CMPK1: variants seen among roughly 807,000 people sequenced by gnomAD.
The protein encoded by CMPK1 is cytidine/uridine monophosphate kinase 1.
CMPK1 carries 10 observed loss-of-function variants against 25.7 expected under a neutral mutation model. The observed-to-expected ratio is 0.39, with a 90% CI of 0.24 to 0.66. The LOEUF (loss-of-function observed/expected upper bound fraction) is 0.66, where lower values mean the gene tolerates loss of function less well. CMPK1 is among the 30% of genes least tolerant of loss of function. The probability of loss-of-function intolerance (pLI) is 0.48; values close to 1 mark genes in which losing one functional copy is unlikely to be tolerated. For missense variants in CMPK1, 199 were observed against 280.5 expected, an observed-to-expected ratio of 0.71 and a Z score of 2.08; for synonymous variants, 106 against 101.5, an observed-to-expected ratio of 1.04 and a Z score of -0.27.
At chr1:47,354,650 A>G (rs1214928972) in intron 1 of CMPK1, among the ~76,000 whole-genome samples, 1 of 130,554 alleles carries the variant, frequency 7.7e-6, no homozygotes, top group Non-Finnish European at 1.5e-5. Flanking sequence ...AGCGTTCCAT[A>G]TCGGAACATA....
chr1:47,341,938 G>A (rs1018041228), intron 1 of CMPK1, among the ~76,000 whole-genome samples: 6 of 151,922 alleles, frequency 3.9e-5, no homozygotes, highest in Admixed American at 2.0e-4. Context: ...ATTTTTTGGG[G>A]ACAGGGTCTT....
chr1:47,366,125 C>G (rs866572077), intron 1 of CMPK1, among the ~76,000 whole-genome samples: 2 of 152,166 alleles, frequency 1.3e-5, no homozygotes, highest in Non-Finnish European at 2.9e-5. Flanking sequence ...ACCTGGGAAG[C>G]AGAGGTTGCA....
Position 47,375,184 on chromosome 1 carries a change from A to T in CMPK1, c.549-13A>T. On this transcript the variant is annotated splice_polypyrimidine_tract_variant and intron_variant, in intron 4 of 5. Transcript: ENST00000371873. The stretch of plus-strand genomic sequence containing the variant: ...AGATACCTAGAACCTTGCAATATTT[A>T]CTTCTTTTGCAGAATTCAGACCTAC... 6.3e-7 allele frequency: 1 copy of T among 1,581,368 alleles called. No individual in the cohort carries two copies.
intron 5 of CMPK1, 32 bp downstream of exon 5, chr1:47,375,325 A>G (rs1646700938): frequency 1.5e-6 from 2 of 1,331,712 alleles, no homozygotes; most frequent in Non-Finnish European, 1.0e-6. Context: ...TTAAAAAAAT[A>G]TGTCAAATAA....
intron 1 of CMPK1, among the ~76,000 whole-genome samples, chr1:47,334,936 T>G (rs2149322522): frequency 6.6e-6 from 1 of 152,368 alleles, no homozygotes; most frequent in African/African-American, 2.4e-5. Flanking sequence ...TTACTTTTTT[T>G]TCTTTTGCTT....
chr1:47,378,805 T>C lies in CMPK1; in HGVS notation c.*2060T>C, dbSNP rs1418617178. 6.6e-6 allele frequency: 1 copy of C among 152,230 alleles called. No individual in the cohort carries two copies. The highest frequency in any genetic ancestry group is 1.5e-5 in the Non-Finnish European group (1 of 68,038). 9.4% of individuals were successfully genotyped at this position (152,230 alleles called of 1,614,324 possible). On this transcript the variant is annotated 3_prime_UTR_variant, in exon 6 of 6. Coordinates refer to ENST00000371873, the MANE Select transcript of CMPK1 (RefSeq NM_016308.3). ...GGATGTATATCAGTTATTTAGTAAATAATCTCAATAAATTTTGTGCTGTGG... is the reference window on the plus strand; with the variant it reads ...GGATGTATATCAGTTATTTAGTAAACAATCTCAATAAATTTTGTGCTGTGG...
chr1:47,340,344 A>C (rs1646432646), intron 1 of CMPK1, among the ~76,000 whole-genome samples: 1 of 150,352 alleles, frequency 6.7e-6, no homozygotes, highest in East Asian at 2.0e-4. Context: ...CCTATGTTGC[A>C]CAGGCTAGTC....
At chr1:47,348,728 C>G (rs1471707068) in intron 1 of CMPK1, among the ~76,000 whole-genome samples, 1 of 152,160 alleles carries the variant, frequency 6.6e-6, no homozygotes, top group Non-Finnish European at 1.5e-5. Context: ...TGTTTCCATA[C>G]CCACTTTGTG....
intron 1 of CMPK1, among the ~76,000 whole-genome samples, chr1:47,339,950 C>T (rs183520920): frequency 8.6e-5 from 13 of 151,950 alleles, no homozygotes; most frequent in Admixed American, 6.6e-4. Context: ...TCAGGTGATC[C>T]GCCTGCCTCA....
intron 1 of CMPK1, among the ~76,000 whole-genome samples, chr1:47,343,212 C>T (rs1169388889): frequency 1.3e-5 from 2 of 150,392 alleles, no homozygotes; most frequent in Non-Finnish European, 2.9e-5. Flanking sequence ...GTCTTGAACT[C>T]CAGACCTCAA....
At chr1:47,348,282 T>C (rs998324685) in intron 1 of CMPK1, among the ~76,000 whole-genome samples, 1 of 152,186 alleles carries the variant, frequency 6.6e-6, no homozygotes, top group African/African-American at 2.4e-5. Context: ...CATGTTGGCC[T>C]AGTCACACTG....
intron 1 of CMPK1, among the ~76,000 whole-genome samples, chr1:47,348,115 A>G (rs948907500): frequency 6.6e-6 from 1 of 152,192 alleles, no homozygotes; most frequent in Non-Finnish European, 1.5e-5. Context: ...GTAGGAGTAC[A>G]GTATTTTAAC....
Position 47,374,992 on chromosome 1 carries a change from G to C in CMPK1, c.548+7G>C. ...GAGAGAGCTTGGAAAAGAGGTACTT[G>C]GCAGTTTTTACATACAACCACTTCA... On this transcript the variant is annotated splice_region_variant and intron_variant, in intron 4 of 5. Transcript: ENST00000371873. 1 of 1,608,092 alleles carries C rather than the reference G, an allele frequency of 6.2e-7. No homozygotes were observed. Among genetic ancestry groups the C allele is most frequent in the African/African-American group, 1.3e-5 (1 of 74,948 alleles).
At chr1:47,365,156 T>G (rs1646630438) in intron 1 of CMPK1, among the ~76,000 whole-genome samples, 2 of 152,156 alleles carry the variant, frequency 1.3e-5, no homozygotes, top group African/African-American at 2.4e-5. Flanking sequence ...AGAAGCTCAG[T>G]AGCAGTTCAG....
chr1:47,354,103 TTGC>T (rs745605039), intron 1 of CMPK1, among the ~76,000 whole-genome samples: 5 of 152,102 alleles, frequency 3.3e-5, no homozygotes, highest in Non-Finnish European at 7.4e-5. Context: ...GGTGGAAGGA[TTGC>T]TTGAGCCCGG....
chr1:47,351,524 C>G (rs1391528438), intron 1 of CMPK1, among the ~76,000 whole-genome samples: 1 of 152,152 alleles, frequency 6.6e-6, no homozygotes, highest in Non-Finnish European at 1.5e-5. Context: ...CCTTTGGTTA[C>G]TGTGAATAAT....
At chr1:47,353,777 C>T (rs779989198) in intron 1 of CMPK1, among the ~76,000 whole-genome samples, 2 of 152,076 alleles carry the variant, frequency 1.3e-5, no homozygotes, top group Non-Finnish European at 2.9e-5. Flanking sequence ...AGTGCAGTGG[C>T]GTGATCTTGG....
intron 1 of CMPK1, among the ~76,000 whole-genome samples, chr1:47,346,189 A>G (rs1204027244): frequency 1.3e-5 from 2 of 152,002 alleles, no homozygotes; most frequent in African/African-American, 4.8e-5. Flanking sequence ...AGCTGGGACT[A>G]CAGGTGCCCG....
At chr1:47,362,875 A>G (rs1243869952) in intron 1 of CMPK1, among the ~76,000 whole-genome samples, 3 of 152,146 alleles carry the variant, frequency 2.0e-5, no homozygotes, top group Non-Finnish European at 2.9e-5. Context: ...CTCCCACTAG[A>G]TATTTTTTTC....
Sources: gnomAD v4.1 joint callset for allele counts (sites outside exome capture counted in the v4.1 genomes callset) on GRCh38, gnomAD v4.1.1 for gene constraint, MANE v1.5 for transcripts, NCBI Gene and HGNC (gene_info 2026-07-23, HGNC 2026-07-21) for gene names.